TMEM74: variants seen among roughly 807,000 people sequenced by gnomAD.
TMEM74 encodes the protein transmembrane protein 74.
In TMEM74, 13 loss-of-function variants were observed where a neutral mutation model predicts 18.1. That is an observed-to-expected ratio of 0.72 (90% CI 0.47 to 1.14). The LOEUF is 1.14. Among genes scored for constraint, TMEM74 ranks in the 50% most tolerant of loss-of-function variants. The probability of loss-of-function intolerance (pLI) is 0.00; values close to 1 mark genes in which losing one functional copy is unlikely to be tolerated. For synonymous variants in TMEM74, 159 were observed against 146.6 expected (o/e 1.08, Z -0.61); for missense variants, 372 against 375.9 (o/e 0.99, Z 0.09).
intron 2 of TMEM74, among the ~76,000 whole-genome samples, chr8:108,619,949 C>G (rs773895597): frequency 4.6e-5 from 7 of 152,174 alleles, no homozygotes; most frequent in Non-Finnish European, 8.8e-5. Flanking sequence ...TTTGCTGCTA[C>G]TGCTGCCTCT....
intron 2 of TMEM74, among the ~76,000 whole-genome samples, chr8:108,623,793 T>C (rs947469302): frequency 6.6e-6 from 1 of 151,990 alleles, no homozygotes; most frequent in Non-Finnish European, 1.5e-5. Context: ...TCATGGGACA[T>C]TTGGCCATGT....
intron 1 of TMEM74, among the ~76,000 whole-genome samples, chr8:108,670,078 C>T (rs1016853632): frequency 6.8e-6 from 1 of 147,438 alleles, no homozygotes; most frequent in African/African-American, 2.5e-5. Flanking sequence ...GGCTTAATTC[C>T]TTTTCTTTAT....
intron 1 of TMEM74, among the ~76,000 whole-genome samples, chr8:108,756,635 G>A (rs56738718): frequency 2.2e-3 from 132 of 59,106 alleles, no homozygotes; most frequent in East Asian, 8.7e-3. Flanking sequence ...AGGAAGGAAG[G>A]AAGGAAGAAA....
At chr8:108,764,253 G>A (rs544457717) in intron 1 of TMEM74, among the ~76,000 whole-genome samples, 1 of 152,302 alleles carries the variant, frequency 6.6e-6, no homozygotes, top group South Asian at 2.1e-4. Flanking sequence ...AACAGTGCAG[G>A]TGGCATCTGT....
At chr8:108,666,946 C>T (rs979957812) in intron 1 of TMEM74, among the ~76,000 whole-genome samples, 2 of 152,116 alleles carry the variant, frequency 1.3e-5, no homozygotes, top group African/African-American at 4.8e-5. Flanking sequence ...TTTTCTAGTA[C>T]AATCTTGGTT....
chr8:108,714,730 G>A (rs892454958), intron 1 of TMEM74, among the ~76,000 whole-genome samples: 4 of 152,142 alleles, frequency 2.6e-5, no homozygotes, highest in African/African-American at 7.2e-5. Flanking sequence ...GAACTTGCAT[G>A]TTCATTGCAA....
In TMEM74 at chr8:108,781,771, T is replaced by TCCC. The variant is rs1353126982; in HGVS notation, c.*2407_*2409dup. Reference sequence around the variant, plus strand: ...TATTTTGATGTGTTAGGTCTTTTTCTCCCCCGTTGAATATTTTTTTTCCAA... The same window carrying TCCC: ...TATTTTGATGTGTTAGGTCTTTTTCTCCCCCCCCGTTGAATATTTTTTTTCCAA... On this transcript the variant is annotated 3_prime_UTR_variant, in exon 2 of 2. Coordinates refer to ENST00000297459, the MANE Select transcript of TMEM74 (RefSeq NM_153015.3). 6.6e-6 allele frequency among the ~76,000 whole-genome samples: 1 copy of TCCC among 152,178 alleles called. No individual in the cohort carries two copies. Among genetic ancestry groups the TCCC allele is most frequent in the Non-Finnish European group, 1.5e-5 (1 of 68,024 alleles).
intron 2 of TMEM74, among the ~76,000 whole-genome samples, chr8:108,613,839 T>A (rs1273010638): frequency 6.6e-6 from 1 of 152,140 alleles, no homozygotes; most frequent in Non-Finnish European, 1.5e-5. Context: ...AACTACAAGG[T>A]AGATTACCTG....
intron 2 of TMEM74, among the ~76,000 whole-genome samples, chr8:108,652,117 T>C (rs531415839): frequency 6.6e-6 from 1 of 152,272 alleles, no homozygotes; most frequent in South Asian, 2.1e-4. Context: ...CATTTTTTAC[T>C]CGCATTAACT....
At chr8:108,754,550 G>C (rs917248957) in intron 1 of TMEM74, among the ~76,000 whole-genome samples, 1 of 151,808 alleles carries the variant, frequency 6.6e-6, no homozygotes, top group Non-Finnish European at 1.5e-5. Flanking sequence ...CTTGCTAGCA[G>C]ACTATTCTAA....
At chr8:108,732,171 C>T (rs941354859) in intron 1 of TMEM74, among the ~76,000 whole-genome samples, 1 of 152,068 alleles carries the variant, frequency 6.6e-6, no homozygotes, top group African/African-American at 2.4e-5. Flanking sequence ...AGTATTGGAG[C>T]CATAAAATAC....
At chr8:108,772,072 A>G (rs1814179437) in intron 1 of TMEM74, among the ~76,000 whole-genome samples, 1 of 152,154 alleles carries the variant, frequency 6.6e-6, no homozygotes, top group African/African-American at 2.4e-5. Flanking sequence ...TAGAGTGAAT[A>G]TTTCTATTAA....
rs1563742321 is a variant in TMEM74 at position 108,657,881 on chromosome 8, TATATATATATATATATATATATTAATTAC to T, written n.120-2473_120-2445del. ...AAAAATATATATATATATATATATATATATATATATATATATATATATTAATTACATATATATATTTCGAGAAGTCCAAG... is the reference window on the plus strand; with the variant it reads ...AAAAATATATATATATATATATATATATATATATATTTCGAGAAGTCCAAG... On this transcript the variant is annotated intron_variant and non_coding_transcript_variant, in intron 1 of 3. Coordinates refer to the TMEM74 transcript ENST00000518838. Among the ~76,000 whole-genome samples the T allele has an allele frequency of 8.0e-4, 79 of 98,484 alleles. 1 individual carries two copies. The highest frequency in any genetic ancestry group is 6.9e-4 in the Non-Finnish European group (34 of 49,394). 64.6% of individuals were successfully genotyped at this position (98,484 alleles called of 152,430 possible).
In TMEM74 at chr8:108,639,612, C is replaced by T. The variant is rs77427392; in HGVS notation, n.264+15681G>A. Among the ~76,000 whole-genome samples, 823 of 152,204 alleles carry T rather than the reference C, an allele frequency of 5.4e-3. 4 individuals carry two copies. Among genetic ancestry groups the T allele is most frequent in the African/African-American group, 0.019 (787 of 41,518 alleles). On this transcript the variant is annotated intron_variant and non_coding_transcript_variant, in intron 2 of 3. Coordinates refer to the TMEM74 transcript ENST00000518838. ...TTAATTTTACATGGGTGACACTCCA[C>T]CTTTTGGGTGGGATAATTTTCCTAT...
intron 2 of TMEM74, among the ~76,000 whole-genome samples, chr8:108,614,658 G>A (rs896471516): frequency 6.6e-6 from 1 of 152,116 alleles, no homozygotes; most frequent in East Asian, 1.9e-4. Context: ...GTGTAGCTGT[G>A]GGGGGTTTTG....
At chr8:108,693,191 T>A (rs1002463366) in intron 1 of TMEM74, among the ~76,000 whole-genome samples, 8 of 152,130 alleles carry the variant, frequency 5.3e-5, no homozygotes, top group Non-Finnish European at 1.2e-4. Flanking sequence ...GAGTATTATA[T>A]AAAAGGATAG....
chr8:108,672,448 T>G (rs996441255), intron 1 of TMEM74, among the ~76,000 whole-genome samples: 1 of 152,242 alleles, frequency 6.6e-6, no homozygotes, highest in African/African-American at 2.4e-5. Context: ...TCTGGCATTG[T>G]GAGACACAGT....
At chr8:108,647,841 A>G (rs1165400583) in intron 2 of TMEM74, among the ~76,000 whole-genome samples, 1 of 152,124 alleles carries the variant, frequency 6.6e-6, no homozygotes, top group Non-Finnish European at 1.5e-5. Context: ...GTAAGTACTT[A>G]GTATAATGAG....
chr8:108,635,678 A>C (rs1378282353), intron 2 of TMEM74, among the ~76,000 whole-genome samples: 1 of 152,070 alleles, frequency 6.6e-6, no homozygotes, highest in East Asian at 1.9e-4. Context: ...ACATCTATTC[A>C]TTAAAACCAA....
Sources: gnomAD v4.1 joint callset for allele counts (sites outside exome capture counted in the v4.1 genomes callset) on GRCh38, gnomAD v4.1.1 for gene constraint, MANE v1.5 for transcripts, NCBI Gene and HGNC (gene_info 2026-07-23, HGNC 2026-07-21) for gene names.